Variants in PTPRD observed in about 807,000 individuals in gnomAD.
The protein encoded by PTPRD is protein tyrosine phosphatase receptor type D.
In PTPRD, 34 loss-of-function variants were observed where a neutral mutation model predicts 214.5. That is an observed-to-expected ratio of 0.16 (90% CI 0.12 to 0.21). The LOEUF is 0.21. Among genes scored for constraint, PTPRD ranks in the 10% least tolerant of loss-of-function variants. The pLI is 1.00. For missense variants in PTPRD, 2,545 were observed against 2,398.7 expected (o/e 1.06, Z -1.27); for synonymous variants, 1,128 against 845.7 (o/e 1.33, Z -5.79).
intron 39 of PTPRD, among the ~76,000 whole-genome samples, chr9:8,345,206 T>TG (rs1434089383): frequency 6.6e-6 from 1 of 152,032 alleles, no homozygotes; most frequent in Non-Finnish European, 1.5e-5. Flanking sequence ...CCTACCACAG[T>TG]GCTTGACACC....
At chr9:9,405,832 C>T (rs2073080456) in intron 8 of PTPRD, among the ~76,000 whole-genome samples, 1 of 151,832 alleles carries the variant, frequency 6.6e-6, no homozygotes, top group African/African-American at 2.4e-5. Flanking sequence ...TTTATGTAGC[C>T]TTGGAATGTG....
intron 27 of PTPRD, among the ~76,000 whole-genome samples, chr9:8,491,123 C>T (rs888457489): frequency 1.3e-5 from 2 of 152,242 alleles, no homozygotes; most frequent in African/African-American, 4.8e-5. Flanking sequence ...CTTCTGCCTT[C>T]TTCCCAGATG....
At position 8,611,202 on chromosome 9, in the gene PTPRD, T is replaced by C. The variant is rs936431243; in HGVS notation, c.352+22115A>G. 1.1e-4 allele frequency among the ~76,000 whole-genome samples: 17 copies of C among 152,340 alleles called. No individual in the cohort carries two copies. The South Asian group carries it at 2.9e-3, about 26-fold the overall frequency. On this transcript the variant is annotated intron_variant, in intron 14 of 45. Transcript: ENST00000381196. ...TAAAGTAAGAAAATAACCAAAAAGC[T>C]GATTGTTCATTTGTTAAACAAGAAT...
chr9:9,800,460 C>T (rs1294826600), intron 5 of PTPRD: 2 of 151,768 alleles, frequency 1.3e-5, no homozygotes, highest in African/African-American at 4.8e-5. Context: ...TCACAGGATC[C>T]CTGGAGAAAA....
At chr9:9,924,799 G>A (rs10816237) in intron 5 of PTPRD, among the ~76,000 whole-genome samples, 39,285 of 151,896 alleles carry the variant, frequency 0.26, 5,766 homozygotes, top group Middle Eastern at 0.46. Flanking sequence ...AGTTTTGTGG[G>A]ATTCAGTACA....
At chr9:9,216,347 C>A (rs888836127) in intron 9 of PTPRD, among the ~76,000 whole-genome samples, 7 of 152,182 alleles carry the variant, frequency 4.6e-5, no homozygotes, top group Non-Finnish European at 8.8e-5. Context: ...CCTCAGTTTT[C>A]TCCTCTATGA....
chr9:9,738,414 T>C (rs1418914614), intron 6 of PTPRD, among the ~76,000 whole-genome samples: 2 of 149,416 alleles, frequency 1.3e-5, no homozygotes, highest in Admixed American at 6.7e-5. Context: ...TGGAGAAATA[T>C]GTATTAAAAT....
intron 9 of PTPRD, among the ~76,000 whole-genome samples, chr9:9,369,199 G>T (rs1308854678): frequency 5.3e-5 from 8 of 152,006 alleles, no homozygotes; most frequent in Non-Finnish European, 1.2e-4. Flanking sequence ...CTTCCACAAT[G>T]GTTGAACTAG....
chr9:10,019,292 G>A (rs1456687370), intron 4 of PTPRD, among the ~76,000 whole-genome samples: 1 of 152,146 alleles, frequency 6.6e-6, no homozygotes, highest in Admixed American at 6.5e-5. Flanking sequence ...GGCTGGAGAG[G>A]ATGTGGAGAA....
At chr9:8,838,455 T>C (rs1222559574) in intron 11 of PTPRD, among the ~76,000 whole-genome samples, 1 of 152,140 alleles carries the variant, frequency 6.6e-6, no homozygotes, top group East Asian at 1.9e-4. Flanking sequence ...AGTGTTTCAA[T>C]TCTAAAATCA....
At chr9:8,420,576 C>T (rs3901934) in intron 35 of PTPRD, among the ~76,000 whole-genome samples, 8 of 151,838 alleles carry the variant, frequency 5.3e-5, no homozygotes, top group East Asian at 3.9e-4. Context: ...AAAAACAAAA[C>T]GATTATATCC....
intron 6 of PTPRD, among the ~76,000 whole-genome samples, chr9:9,759,115 T>C (rs2098624234): frequency 1.3e-5 from 2 of 152,152 alleles, no homozygotes; most frequent in South Asian, 4.1e-4. Flanking sequence ...AAATAACTTA[T>C]TCCTTAATTT....
intron 9 of PTPRD, among the ~76,000 whole-genome samples, chr9:9,271,547 T>C (rs1322073080): frequency 6.6e-6 from 1 of 151,394 alleles, no homozygotes; most frequent in Non-Finnish European, 1.5e-5. Context: ...CTATTAAATA[T>C]AGCAATTTAA....
intron 14 of PTPRD, among the ~76,000 whole-genome samples, chr9:8,569,272 C>G (rs189145050): frequency 1.2e-4 from 18 of 152,158 alleles, no homozygotes; most frequent in African/African-American, 4.3e-4. Flanking sequence ...AAAGCAAGAC[C>G]AATATTTTGC....
intron 44 of PTPRD, among the ~76,000 whole-genome samples, chr9:8,324,927 C>T (rs7044877): frequency 0.13 from 19,837 of 151,970 alleles, 1,527 homozygotes; most frequent in South Asian, 0.26. Flanking sequence ...TCATATCCTT[C>T]GCCCACTTTT....
chr9:9,565,377 A>T (rs2084196043), intron 8 of PTPRD, among the ~76,000 whole-genome samples: 1 of 151,892 alleles, frequency 6.6e-6, no homozygotes, highest in African/African-American at 2.4e-5. Flanking sequence ...TATTAAATTT[A>T]AAATTGCAAA....
chr9:8,478,960 C>A (rs897911009), intron 30 of PTPRD, among the ~76,000 whole-genome samples: 9 of 152,170 alleles, frequency 5.9e-5, no homozygotes, highest in African/African-American at 1.9e-4. Context: ...CTGCATTTTG[C>A]TTGAAAACAA....
At chr9:8,799,332 G>C (rs1232669772) in intron 11 of PTPRD, among the ~76,000 whole-genome samples, 1 of 152,194 alleles carries the variant, frequency 6.6e-6, no homozygotes, top group Non-Finnish European at 1.5e-5. Flanking sequence ...GTATAAGAAA[G>C]AATCCCTGGA....
At chr9:9,375,151 T>A (rs1231979924) in intron 9 of PTPRD, among the ~76,000 whole-genome samples, 2 of 152,170 alleles carry the variant, frequency 1.3e-5, no homozygotes, top group Non-Finnish European at 2.9e-5. Context: ...TTTGTTAATA[T>A]CATAAATTTT....
Sources: gnomAD v4.1 joint callset for allele counts (sites outside exome capture counted in the v4.1 genomes callset) on GRCh38, gnomAD v4.1.1 for gene constraint, MANE v1.5 for transcripts, NCBI Gene and HGNC (gene_info 2026-07-23, HGNC 2026-07-21) for gene names.